NAA15: variants seen among roughly 807,000 people sequenced by gnomAD.
NAA15 encodes N-terminal acetyltransferase.
NAA15 carries 34 observed loss-of-function variants against 114.0 expected under a neutral mutation model. That is an observed-to-expected ratio of 0.30 (90% CI 0.23 to 0.40). The LOEUF (loss-of-function observed/expected upper bound fraction) is 0.40, where lower values mean the gene tolerates loss of function less well. Among genes scored for constraint, NAA15 ranks in the 10% least tolerant of loss-of-function variants. The probability of loss-of-function intolerance (pLI) is 1.00; values close to 1 mark genes in which losing one functional copy is unlikely to be tolerated. For missense variants in NAA15, 658 were observed against 1,004.5 expected (o/e 0.66, Z 4.66); for synonymous variants, 340 against 338.0 (o/e 1.01, Z -0.06).
intron 1 of NAA15, among the ~76,000 whole-genome samples, chr4:139,327,819 C>T (rs770565463): frequency 1.3e-5 from 2 of 152,064 alleles, no homozygotes; most frequent in Non-Finnish European, 2.9e-5. Flanking sequence ...GCATGCACCA[C>T]CACACCCCGC....
chr4:139,357,187 CTAGGGGTTATAAGGATGCAGA>C (rs1747984341), intron 10 of NAA15, among the ~76,000 whole-genome samples, 178 bp from the exon 11 acceptor site: 8 of 152,228 alleles, frequency 5.3e-5, no homozygotes, highest in Non-Finnish European at 1.2e-4. Flanking sequence ...AGGGATTGTG[CTAGGGGTTATAAGGATGCAGA>C]AAAGAAAATA....
intron 1 of NAA15, among the ~76,000 whole-genome samples, chr4:139,302,915 T>A (rs867234357): frequency 2.0e-5 from 3 of 152,258 alleles, no homozygotes; most frequent in African/African-American, 2.4e-5. Flanking sequence ...CGTTTCCTTA[T>A]GATAGAATTA....
chr4:139,336,553 A>G (rs189868151), intron 2 of NAA15, among the ~76,000 whole-genome samples: 461 of 152,254 alleles, frequency 3.0e-3, no homozygotes, highest in African/African-American at 8.6e-3. Context: ...CCCCTGAAGA[A>G]TGAATTACTA....
Position 139,330,669 on chromosome 4 carries a change from G to A in NAA15, c.55-3505G>A, listed in dbSNP as rs374493030. ...AAGACTTGGTGCAGAATACATTTTG[G>A]GCGAGAAAAATCAGTTGTATTTGGA... On this transcript the variant is annotated intron_variant, in intron 1 of 19. Transcript: ENST00000296543. 2.6e-5 allele frequency among the ~76,000 whole-genome samples: 4 copies of A among 152,040 alleles called. No individual in the cohort carries two copies. In the East Asian group the frequency reaches 7.7e-4, roughly 29 times the overall value.
intron 14 of NAA15, among the ~76,000 whole-genome samples, chr4:139,362,329 G>A (rs1748157617): frequency 6.6e-6 from 1 of 152,142 alleles, no homozygotes; most frequent in Non-Finnish European, 1.5e-5. Context: ...TTCCCATGCT[G>A]GAGTGCAGTG....
At chr4:139,331,225 C>G (rs919092978) in intron 1 of NAA15, among the ~76,000 whole-genome samples, 1 of 151,986 alleles carries the variant, frequency 6.6e-6, no homozygotes, top group African/African-American at 2.4e-5. Context: ...CCTTGCTTTC[C>G]CCCTCCAGAA....
chr4:139,335,990 C>T lies in NAA15; in HGVS notation c.140-858C>T, dbSNP rs541556657. On this transcript the variant is annotated intron_variant, in intron 2 of 19. Coordinates refer to ENST00000296543, the MANE Select transcript of NAA15 (RefSeq NM_057175.5). ...GCCAGGCTGATCTGGAACTCCTGAC[C>T]TCAAGTGATCTGCCCACCTTGGCCT... Among the ~76,000 whole-genome samples, 12 of 152,234 alleles carry T rather than the reference C, an allele frequency of 7.9e-5. No homozygotes were observed. In the South Asian group the frequency reaches 2.3e-3, roughly 29 times the overall value.
chr4:139,380,251 G>GT (rs955984058), intron 17 of NAA15, among the ~76,000 whole-genome samples: 1 of 131,272 alleles, frequency 7.6e-6, no homozygotes, highest in Admixed American at 7.2e-5. Flanking sequence ...TTTCTCTTTA[G>GT]TTTTTTTGGG....
intron 1 of NAA15, among the ~76,000 whole-genome samples, chr4:139,320,582 A>G (rs1054549079): frequency 3.9e-5 from 6 of 152,050 alleles, no homozygotes; most frequent in Non-Finnish European, 7.4e-5. Flanking sequence ...GTGCAGTGGC[A>G]TGATCTCGGC....
At chr4:139,347,202 G>A (rs1348130931) in intron 6 of NAA15, among the ~76,000 whole-genome samples, 1 of 151,668 alleles carries the variant, frequency 6.6e-6, no homozygotes, top group Non-Finnish European at 1.5e-5. Context: ...TGCATTGTAG[G>A]ATGTTTAGTA....
At chr4:139,386,306 TAC>T (rs1748908554) in intron 19 of NAA15, 76 bp downstream of exon 19, 2 of 739,122 alleles carry the variant, frequency 2.7e-6, no homozygotes, top group East Asian at 5.4e-5. Flanking sequence ...TGGGTATTTA[TAC>T]ACACTGTTTT....
intron 1 of NAA15, among the ~76,000 whole-genome samples, chr4:139,307,987 G>A (rs772529301): frequency 3.7e-4 from 56 of 151,646 alleles, no homozygotes; most frequent in Non-Finnish European, 6.2e-4. Flanking sequence ...TTTTTGAGAC[G>A]GAGTCTCACT....
intron 17 of NAA15, among the ~76,000 whole-genome samples, chr4:139,383,632 G>A (rs1748811999): frequency 6.6e-6 from 1 of 152,110 alleles, no homozygotes; most frequent in East Asian, 1.9e-4. Flanking sequence ...CACCATGCCA[G>A]GCTAATTTTT....
rs548103216 is a variant in NAA15 at position 139,326,623 on chromosome 4, A to T, written c.55-7551A>T. Among the ~76,000 whole-genome samples the T allele has an allele frequency of 9.2e-5, 14 of 152,266 alleles. No individual in the cohort carries two copies. In the South Asian group the frequency reaches 1.0e-3, roughly 11 times the overall value. ...TTCCTCAAAGTAAATTTTTCCGTTC[A>T]TAGTGTTTCTGTTATATAAAAATTA... On this transcript the variant is annotated intron_variant, in intron 1 of 19. Transcript: ENST00000296543.
In NAA15 at chr4:139,389,377, A is replaced by G. The variant is rs1397035644; in HGVS notation, c.*1293A>G. The G allele has an allele frequency of 6.6e-6, 1 of 152,558 alleles. No homozygotes were observed. The highest frequency in any genetic ancestry group is 2.4e-5 in the African/African-American group (1 of 41,396). 9.5% of individuals were successfully genotyped at this position (152,558 alleles called of 1,614,324 possible). Reference sequence around the variant, plus strand: ...GGGCTTCTGTGAAATACACAGGTGGAAACAGAGGTGCAAGCCAGAGGCAAT... The same window carrying G: ...GGGCTTCTGTGAAATACACAGGTGGGAACAGAGGTGCAAGCCAGAGGCAAT... On this transcript the variant is annotated 3_prime_UTR_variant, in exon 20 of 20. Transcript: ENST00000296543.
At chr4:139,343,503 A>G (rs1747481555) in intron 5 of NAA15, among the ~76,000 whole-genome samples, 2 of 151,430 alleles carry the variant, frequency 1.3e-5, no homozygotes, top group Admixed American at 6.6e-5. Flanking sequence ...AGTTTTGAAA[A>G]CTTCCTTTGT....
In NAA15 at chr4:139,391,079, T is replaced by C. The variant is rs1215347149; in HGVS notation, c.*2995T>C. On this transcript the variant is annotated 3_prime_UTR_variant, in exon 20 of 20. Transcript: ENST00000296543. ...TTGTTGCAAGATAGGTATATACTTG[T>C]GTCAGATAATTAAAGCCTTAAATTT... The C allele has an allele frequency of 1.3e-5, 2 of 152,248 alleles. No individual in the cohort carries two copies. The highest frequency in any genetic ancestry group is 2.9e-5 in the Non-Finnish European group (2 of 68,048). The allele number at this position is 152,248 out of a possible 1,614,324, so 9.4% of individuals were successfully genotyped here. A position where few individuals can be genotyped will look rare whatever the true frequency, so the allele number is the denominator to read the frequency against.
chr4:139,344,410 C>G (rs1286887273), intron 6 of NAA15, 71 bp downstream of exon 6: 5 of 1,258,734 alleles, frequency 4.0e-6, no homozygotes, highest in Non-Finnish European at 5.6e-6. Flanking sequence ...AATCTAGTTG[C>G]TGCTGACAGT....
rs1028728044 is a variant in NAA15, at chr4:139,351,413, C to T, written c.908-92C>T. The T allele has an allele frequency of 6.7e-6, 7 of 1,040,704 alleles. No individual in the cohort carries two copies. In the South Asian group the frequency reaches 9.7e-5, roughly 14 times the overall value. The allele number at this position is 1,040,704 out of a possible 1,614,324, so 64.5% of individuals were successfully genotyped here. A position where few individuals can be genotyped will look rare whatever the true frequency, so the allele number is the denominator to read the frequency against. On this transcript the variant is annotated intron_variant, in intron 8 of 19. Coordinates refer to ENST00000296543, the MANE Select transcript of NAA15 (RefSeq NM_057175.5). ...TTGTTAGAGTTGTCTAACAACTCTGCTAAATGTAAGTTGGTAAATGTAAGT... is the reference window on the plus strand; with the variant it reads ...TTGTTAGAGTTGTCTAACAACTCTGTTAAATGTAAGTTGGTAAATGTAAGT...
Sources: gnomAD v4.1 joint callset for allele counts (sites outside exome capture counted in the v4.1 genomes callset) on GRCh38, gnomAD v4.1.1 for gene constraint, MANE v1.5 for transcripts, NCBI Gene and HGNC (gene_info 2026-07-23, HGNC 2026-07-21) for gene names.